The following ZBTB17 variants were observed in gnomAD, a reference collection of about 807,000 sequenced individuals.
ZBTB17 encodes the protein zinc finger and BTB domain-containing protein 17.
Under a neutral mutation model 85.1 loss-of-function variants are expected in ZBTB17, and 24 were observed. The observed-to-expected ratio is 0.28, with a 90% CI of 0.20 to 0.40. The LOEUF (loss-of-function observed/expected upper bound fraction) is 0.40. Ranked by LOEUF, ZBTB17 falls within the 10% of genes least tolerant of loss-of-function variation. The pLI is 1.00. For missense variants in ZBTB17, 743 were observed against 1,105.1 expected, an observed-to-expected ratio of 0.67 and a Z score of 4.65; for synonymous variants, 464 against 460.2, an observed-to-expected ratio of 1.01 and a Z score of -0.11.
chr1:15,966,995 T>C lies in ZBTB17; in HGVS notation c.-3+6044A>G, dbSNP rs938437017. Among the ~76,000 whole-genome samples the C allele has an allele frequency of 4.0e-5, 6 of 151,658 alleles. No individual in the cohort carries two copies. The highest frequency in any genetic ancestry group is 1.5e-4 in the African/African-American group (6 of 41,268). On this transcript the variant is annotated intron_variant, in intron 2 of 15. Transcript: ENST00000375743. The surrounding 1 kb of genome is among the most constrained non-coding windows in gnomAD (Gnocchi z 4.1). ...AAGTAGATTATGATCTCCAGGACAA[T>C]ATGTTTTGTACATAAAATGTATTTG...
chr1:15,952,647 C>T lies in ZBTB17; in HGVS notation c.-2-4150G>A. Among the ~76,000 whole-genome samples the T allele has an allele frequency of 6.6e-6, 1 of 152,236 alleles. No homozygotes were observed. The highest frequency in any genetic ancestry group is 1.5e-5 in the Non-Finnish European group (1 of 68,044). ...ACCTAAAGAAGCCTGGAAGATTCTG[C>T]TGTGGCTCCTGGGAATCCAGTCACC... On this transcript the variant is annotated intron_variant, in intron 2 of 15. Transcript: ENST00000375743. The surrounding 1 kb of genome is among the most constrained non-coding windows in gnomAD (Gnocchi z 4.3).
intron 3 of ZBTB17, among the ~76,000 whole-genome samples, chr1:15,947,495 G>A (rs2071657038): frequency 6.6e-6 from 1 of 151,812 alleles, no homozygotes; most frequent in African/African-American, 2.4e-5. Flanking sequence ...ATGGAGAAAA[G>A]GAGGTGTGAA....
At chr1:15,969,319 A>C (rs2072556282) in intron 2 of ZBTB17, among the ~76,000 whole-genome samples, 1 of 152,182 alleles carries the variant, frequency 6.6e-6, no homozygotes, top group Admixed American at 6.5e-5. Context: ...TATATATTAC[A>C]ATGTAATAGT....
At chr1:15,962,496 G>T (rs1222927629) in intron 2 of ZBTB17, among the ~76,000 whole-genome samples, 1 of 152,182 alleles carries the variant, frequency 6.6e-6, no homozygotes, top group African/African-American at 2.4e-5. Flanking sequence ...ATGATCCTGG[G>T]AGGGGGGACT....
chr1:15,945,777 T>C lies in ZBTB17; in HGVS notation c.599A>G (p.Asp200Gly). Residue 200 changes from aspartate to glycine, a missense_variant, in exon 6 of 16, where the codon GAC becomes GGC. Physicochemically the swap from Asp to Gly is moderately conservative, Grantham distance 94 (BLOSUM62 -1). Transcript: ENST00000375743. ...REPPPVELKP[D>G]PTSGMAAAEA... ...TGCAGCAGCCATGCCACTCGTGGGG[T>C]CTGGCTTGAGCTCCACAGGCGGCGG... 1 of 1,606,068 alleles carries C rather than the reference T, an allele frequency of 6.2e-7. No individual in the cohort carries two copies. The highest frequency in any genetic ancestry group is 1.7e-5 in the Admixed American group (1 of 59,960).
At position 15,952,523 on chromosome 1, in the gene ZBTB17, C is replaced by A. The variant is rs2071898528; in HGVS notation, c.-2-4026G>T. Reference sequence around the variant, plus strand: ...CCCTGCCAGGGCCCACCACGCCTCCCATGGAGAGACGGTGTCTGTTTCCCT... The same window carrying A: ...CCCTGCCAGGGCCCACCACGCCTCCAATGGAGAGACGGTGTCTGTTTCCCT... On this transcript the variant is annotated intron_variant, in intron 2 of 15. Coordinates refer to ENST00000375743, the MANE Select transcript of ZBTB17 (RefSeq NM_003443.3). This position sits in a 1 kb window ranked among gnomAD's most constrained non-coding sequence, Gnocchi z 4.3. Among the ~76,000 whole-genome samples, 1 of 152,248 alleles carries A rather than the reference C, an allele frequency of 6.6e-6. No homozygotes were observed. Among genetic ancestry groups the A allele is most frequent in the Non-Finnish European group, 1.5e-5 (1 of 68,044 alleles).
At chr1:15,965,113 C>CAAAA (rs879579087) in intron 2 of ZBTB17, among the ~76,000 whole-genome samples, 4 of 61,856 alleles carry the variant, frequency 6.5e-5, no homozygotes, top group Non-Finnish European at 1.3e-4. Context: ...GACTCCGTAT[C>CAAAA]AAAAAAAAAA....
In ZBTB17 at chr1:15,976,000, C is replaced by A; in HGVS notation, c.-107G>T. On this transcript the variant is annotated 5_prime_UTR_variant, in exon 1 of 16. Transcript: ENST00000375743. ...ACACTCACCTGCCATGTCCCGGACC[C>A]CACCGCAGAGGGAGGTGCATCACGG... is the stretch of plus-strand genomic sequence containing the variant. 3 of 699,336 alleles carry A rather than the reference C, an allele frequency of 4.3e-6. No homozygotes were observed. The highest frequency in any genetic ancestry group is 7.8e-6 in the Non-Finnish European group (3 of 383,304). The allele number at this position is 699,336 out of a possible 1,614,324, so 43.3% of individuals were successfully genotyped here. A position where few individuals can be genotyped will look rare whatever the true frequency, so the allele number is the denominator to read the frequency against.
At chr1:15,950,786 T>C (rs766631997) in intron 2 of ZBTB17, among the ~76,000 whole-genome samples, 1 of 152,040 alleles carries the variant, frequency 6.6e-6, no homozygotes, top group Non-Finnish European at 1.5e-5. Flanking sequence ...GGAAGAGACA[T>C]GTGAGGAGAC....
Position 15,947,138 on chromosome 1 carries a change from ACAGCTGTCACAGACC to A in ZBTB17, c.206-30_206-16del, listed in dbSNP as rs766208231. 6.3e-7 allele frequency: 1 copy of A among 1,596,552 alleles called. No homozygotes were observed. The highest frequency in any genetic ancestry group is 1.1e-5 in the South Asian group (1 of 90,458). Reference sequence around the variant, plus strand: ...CTGCCCCAGGCCTACCAAGGACAGGACAGCTGTCACAGACCCACCTCAAGATCCGGCACCGGCAGC... The same window carrying A: ...CTGCCCCAGGCCTACCAAGGACAGGACACCTCAAGATCCGGCACCGGCAGC... On this transcript the variant is annotated splice_polypyrimidine_tract_variant and intron_variant, in intron 3 of 15. Transcript: ENST00000375743.
chr1:15,974,936 C>T (rs561393634), intron 1 of ZBTB17, among the ~76,000 whole-genome samples: 42 of 152,312 alleles, frequency 2.8e-4, no homozygotes, highest in African/African-American at 1.0e-3. Context: ...TGAGTTTTCT[C>T]ACAAACTACA....
rs561657837 is a variant in ZBTB17 at position 15,960,191 on chromosome 1, A to C, written c.-2-11694T>G. Among the ~76,000 whole-genome samples the C allele has an allele frequency of 1.1e-4, 17 of 152,308 alleles. No individual in the cohort carries two copies. The East Asian group carries it at 3.3e-3, about 29-fold the overall frequency. On this transcript the variant is annotated intron_variant, in intron 2 of 15. Transcript: ENST00000375743. ...CACTCCTACCTCCAAATCCAGCCGA[A>C]GCTAGTTAAGTGCCTCAGGCAGGCA...
intron 3 of ZBTB17, among the ~76,000 whole-genome samples, chr1:15,947,696 G>T (rs2071670026): frequency 6.6e-6 from 1 of 152,160 alleles, no homozygotes; most frequent in African/African-American, 2.4e-5. Flanking sequence ...ACTCCAACCT[G>T]ACTTTCATCA....
At chr1:15,968,703 A>G (rs1231141082) in intron 2 of ZBTB17, among the ~76,000 whole-genome samples, 1 of 152,162 alleles carries the variant, frequency 6.6e-6, no homozygotes, top group Non-Finnish European at 1.5e-5. Context: ...TTTAATTAGA[A>G]AGCTTGGGGG....
At chr1:15,944,636 C>G (rs762971958) in intron 8 of ZBTB17, 36 bp from the exon 9 acceptor site, 7 of 1,600,644 alleles carry the variant, frequency 4.4e-6, no homozygotes, top group Non-Finnish European at 5.9e-6. Context: ...GCAGGGCTCG[C>G]TGGGGCGTGA....
intron 2 of ZBTB17, among the ~76,000 whole-genome samples, chr1:15,960,486 T>TA (rs1435472888): frequency 2.0e-5 from 3 of 152,106 alleles, no homozygotes; most frequent in African/African-American, 7.2e-5. Context: ...AAAACGGATG[T>TA]AAAAATCTCA....
At chr1:15,962,734 TAAC>T (rs1248210937) in intron 2 of ZBTB17, among the ~76,000 whole-genome samples, 1 of 152,176 alleles carries the variant, frequency 6.6e-6, no homozygotes. Flanking sequence ...CACAGGCACA[TAAC>T]AATCTCTCTT....
At chr1:15,962,210 A>G (rs193074377) in intron 2 of ZBTB17, among the ~76,000 whole-genome samples, 177 of 151,360 alleles carry the variant, frequency 1.2e-3, no homozygotes, top group African/African-American at 4.1e-3. Flanking sequence ...CTTATCTTGA[A>G]TAAAATAAAA....
At chr1:15,949,731 G>A (rs946698817) in intron 2 of ZBTB17, among the ~76,000 whole-genome samples, 22 of 152,248 alleles carry the variant, frequency 1.4e-4, no homozygotes, top group African/African-American at 5.1e-4. Flanking sequence ...TGAAGCTGCT[G>A]TGGCCATGCA....
Sources: gnomAD v4.1 joint callset for allele counts (sites outside exome capture counted in the v4.1 genomes callset) on GRCh38, gnomAD v4.1.1 for gene constraint, Gnocchi (gnomAD v3.1) non-coding constraint, MANE v1.5 for transcripts, NCBI Gene and HGNC (gene_info 2026-07-23, HGNC 2026-07-21) for gene names.